ABL1: variants seen among roughly 807,000 people sequenced by gnomAD.
ABL1 encodes tyrosine-protein kinase ABL1.
A neutral mutation model predicts 94.7 loss-of-function variants in ABL1; 11 were observed. The ratio of observed to expected loss-of-function variants is 0.12; its 90% CI spans 0.07 to 0.19. ABL1 has a LOEUF of 0.19. Among genes scored for constraint, ABL1 ranks in the 10% least tolerant of loss-of-function variants. ABL1 has a pLI of 1.00. For missense variants in ABL1, 1,082 were observed against 1,489.4 expected (o/e 0.73, Z 4.50); for synonymous variants, 656 against 622.4 (o/e 1.05, Z -0.80).
intron 7 of ABL1, among the ~76,000 whole-genome samples, chr9:130,875,829 T>C (rs538809742): frequency 6.6e-6 from 1 of 152,134 alleles, no homozygotes; most frequent in East Asian, 1.9e-4. Context: ...TCCCCTCCTC[T>C]CTTCTCCTTC....
At chr9:130,849,388 A>C (rs1830822430) in intron 1 of ABL1, among the ~76,000 whole-genome samples, 1 of 152,218 alleles carries the variant, frequency 6.6e-6, no homozygotes, top group Admixed American at 6.5e-5. Context: ...ATTGTATGAG[A>C]GTGCCCGTTT....
At chr9:130,738,768 A>G (rs1284946164) in intron 1 of ABL1, among the ~76,000 whole-genome samples, 2 of 152,226 alleles carry the variant, frequency 1.3e-5, no homozygotes, top group Admixed American at 6.5e-5. Context: ...AGAACCTATC[A>G]ATGACATTAA....
intron 1 of ABL1, among the ~76,000 whole-genome samples, chr9:130,719,434 C>T (rs1831487890): frequency 6.6e-6 from 1 of 152,072 alleles, no homozygotes; most frequent in Non-Finnish European, 1.5e-5. Context: ...GAGGCTGAGA[C>T]AGGAGAGTTG....
intron 1 of ABL1, among the ~76,000 whole-genome samples, chr9:130,807,155 A>AG (rs908295975): frequency 2.1e-4 from 32 of 152,294 alleles, no homozygotes; most frequent in African/African-American, 7.5e-4. Flanking sequence ...ATCTTAAAAA[A>AG]AAAAGTTTGC....
At chr9:130,746,082 C>A (rs1009594557) in intron 1 of ABL1, among the ~76,000 whole-genome samples, 1 of 152,196 alleles carries the variant, frequency 6.6e-6, no homozygotes, top group African/African-American at 2.4e-5. Flanking sequence ...CAAATCTCAG[C>A]TGCTCACTTA....
intron 10 of ABL1, among the ~76,000 whole-genome samples, 178 bp from the exon 11 acceptor site, chr9:130,883,791 G>T (rs1831508439): frequency 6.6e-6 from 1 of 152,124 alleles, no homozygotes; most frequent in Non-Finnish European, 1.5e-5. Flanking sequence ...CAGGAGATAA[G>T]AAGGGATGAC....
chr9:130,745,511 T>A (rs912261102), intron 1 of ABL1, among the ~76,000 whole-genome samples: 1 of 151,762 alleles, frequency 6.6e-6, no homozygotes, highest in Non-Finnish European at 1.5e-5. Flanking sequence ...GCAAAACTCA[T>A]GATACCTCCT....
At chr9:130,722,454 A>G (rs1831528656) in intron 1 of ABL1, among the ~76,000 whole-genome samples, 1 of 152,146 alleles carries the variant, frequency 6.6e-6, no homozygotes, top group South Asian at 2.1e-4. Context: ...TAGGGATTGG[A>G]TTGTGGCACG....
intron 1 of ABL1, among the ~76,000 whole-genome samples, chr9:130,760,461 G>A (rs1832097386): frequency 1.3e-5 from 2 of 152,168 alleles, no homozygotes; most frequent in Admixed American, 1.3e-4. Flanking sequence ...TCTTACAGAT[G>A]TCAAGGGTTT....
chr9:130,743,819 C>T (rs1023276061), intron 1 of ABL1, among the ~76,000 whole-genome samples: 1 of 151,958 alleles, frequency 6.6e-6, no homozygotes, highest in African/African-American at 2.4e-5. Flanking sequence ...TCATCTAGTA[C>T]TTGTGGGGTC....
chr9:130,877,700 G>T (rs1397814647), intron 7 of ABL1, among the ~76,000 whole-genome samples: 3 of 146,500 alleles, frequency 2.0e-5, no homozygotes, highest in African/African-American at 7.9e-5. Context: ...GCGTGCAGTG[G>T]AGCAATATCA....
chr9:130,879,883 G>A (rs751187973), intron 8 of ABL1, among the ~76,000 whole-genome samples, 185 bp from the exon 9 acceptor site: 1 of 152,188 alleles, frequency 6.6e-6, no homozygotes. Flanking sequence ...AGCATCTAAC[G>A]TCTTTTCAAA....
chr9:130,868,149 AG>A (rs1352268119), intron 4 of ABL1, among the ~76,000 whole-genome samples: 1 of 151,950 alleles, frequency 6.6e-6, no homozygotes, highest in African/African-American at 2.4e-5. Context: ...TAGTAGAGAC[AG>A]GGTTTCACCA....
chr9:130,807,286 T>C (rs564737641), intron 1 of ABL1, among the ~76,000 whole-genome samples: 20 of 152,320 alleles, frequency 1.3e-4, no homozygotes, highest in Non-Finnish European at 2.6e-4. Flanking sequence ...TCTCACTCTG[T>C]TGACCAGGCT....
intron 1 of ABL1, among the ~76,000 whole-genome samples, chr9:130,845,024 G>C (rs1588263983): frequency 6.6e-6 from 1 of 152,294 alleles, no homozygotes; most frequent in Admixed American, 6.5e-5. Flanking sequence ...CTGCACTAAG[G>C]AATTGGCTCA....
chr9:130,727,782 G>A (rs1338717026), intron 1 of ABL1, among the ~76,000 whole-genome samples: 1 of 140,032 alleles, frequency 7.1e-6, no homozygotes, highest in Non-Finnish European at 1.5e-5. Context: ...GCATTTATTA[G>A]GAAACAGGAA....
intron 1 of ABL1, among the ~76,000 whole-genome samples, chr9:130,793,372 C>T (rs1471913734): frequency 6.6e-6 from 1 of 152,180 alleles, no homozygotes; most frequent in Non-Finnish European, 1.5e-5. Context: ...GCATCTGCCC[C>T]CTTTCTTCCG....
intron 10 of ABL1, among the ~76,000 whole-genome samples, chr9:130,883,563 G>A (rs1191694267): frequency 2.0e-5 from 3 of 151,466 alleles, no homozygotes; most frequent in Non-Finnish European, 4.4e-5. Flanking sequence ...AAAGCTGGAC[G>A]GCCCTGGCCT....
At chr9:130,758,512 A>T (rs1050495345) in intron 1 of ABL1, among the ~76,000 whole-genome samples, 1 of 151,534 alleles carries the variant, frequency 6.6e-6, no homozygotes, top group Admixed American at 6.6e-5. Context: ...GACTCACTGT[A>T]ACCTCCGCCT....
Sources: gnomAD v4.1 joint callset for allele counts (sites outside exome capture counted in the v4.1 genomes callset) on GRCh38, gnomAD v4.1.1 for gene constraint, MANE v1.5 for transcripts, NCBI Gene and HGNC (gene_info 2026-07-23, HGNC 2026-07-21) for gene names.